The following DNAJC1 variants were observed in gnomAD, a reference collection of about 807,000 sequenced individuals.
The protein encoded by DNAJC1 is DnaJ heat shock protein family (Hsp40) member C1.
DNAJC1 carries 58 observed loss-of-function variants against 76.6 expected under a neutral mutation model. The observed-to-expected ratio is 0.76, with a 90% CI of 0.61 to 0.94. The LOEUF (loss-of-function observed/expected upper bound fraction) is 0.94. DNAJC1 is among the 40% of genes least tolerant of loss of function. DNAJC1 has a pLI of 0.00. For missense variants in DNAJC1, 689 were observed against 677.3 expected (o/e 1.02, Z -0.19); for synonymous variants, 258 against 267.9 (o/e 0.96, Z 0.36).
chr10:21,820,339 GGTT>G (rs1221926455), intron 8 of DNAJC1, among the ~76,000 whole-genome samples: 3 of 152,006 alleles, frequency 2.0e-5, no homozygotes, highest in Non-Finnish European at 4.4e-5. Context: ...TGGACATTTG[GGTT>G]GTTTCTACTT....
At chr10:21,908,366 G>T (rs1184531516) in intron 6 of DNAJC1, among the ~76,000 whole-genome samples, 6 of 143,162 alleles carry the variant, frequency 4.2e-5, no homozygotes, top group African/African-American at 1.3e-4. Context: ...GAAACCACGT[G>T]GCTATTCTTT....
intron 1 of DNAJC1, among the ~76,000 whole-genome samples, chr10:21,947,289 T>C (rs1404106414): frequency 6.6e-6 from 1 of 152,172 alleles, no homozygotes; most frequent in Non-Finnish European, 1.5e-5. Flanking sequence ...ACCAGGAGTT[T>C]GATCTGCAAG....
intron 1 of DNAJC1, among the ~76,000 whole-genome samples, chr10:21,991,630 T>C (rs1038477715): frequency 1.3e-5 from 2 of 152,152 alleles, no homozygotes; most frequent in Non-Finnish European, 2.9e-5. Flanking sequence ...AAAACAATAA[T>C]CAGTGATTTT....
chr10:21,956,662 A>G (rs959302860), intron 1 of DNAJC1, among the ~76,000 whole-genome samples: 3 of 151,402 alleles, frequency 2.0e-5, no homozygotes, highest in African/African-American at 4.8e-5. Flanking sequence ...CAATGGGCCA[A>G]GCCACTATAA....
chr10:21,928,714 C>T (rs1004506264), intron 2 of DNAJC1, among the ~76,000 whole-genome samples, 162 bp from the exon 3 acceptor site: 1 of 151,774 alleles, frequency 6.6e-6, no homozygotes, highest in Non-Finnish European at 1.5e-5. Flanking sequence ...TTTGGTAGTA[C>T]CTTAAGAGAT....
At chr10:21,833,784 C>T (rs1835401226) in intron 8 of DNAJC1, among the ~76,000 whole-genome samples, 1 of 152,134 alleles carries the variant, frequency 6.6e-6, no homozygotes, top group African/African-American at 2.4e-5. Flanking sequence ...CCCACTCACA[C>T]TCTTCCACCA....
intron 8 of DNAJC1, among the ~76,000 whole-genome samples, chr10:21,811,816 A>G (rs1024655000): frequency 1.3e-5 from 2 of 152,096 alleles, no homozygotes; most frequent in Non-Finnish European, 2.9e-5. Context: ...TCTCACATAT[A>G]AATACAGAGG....
chr10:21,853,417 GGA>G (rs774369825), intron 8 of DNAJC1, among the ~76,000 whole-genome samples: 24 of 152,068 alleles, frequency 1.6e-4, no homozygotes, highest in Non-Finnish European at 2.8e-4. Context: ...ATTAACCCTG[GGA>G]GAGAGTAAAC....
chr10:21,867,152 A>AC (rs1836014428), intron 8 of DNAJC1, among the ~76,000 whole-genome samples: 1 of 152,140 alleles, frequency 6.6e-6, no homozygotes. Context: ...AGAAAAAATA[A>AC]AACAGTTGAA....
At chr10:21,896,928 TCC>T (rs1836553386) in intron 7 of DNAJC1, among the ~76,000 whole-genome samples, 1 of 152,124 alleles carries the variant, frequency 6.6e-6, no homozygotes, top group Non-Finnish European at 1.5e-5. Flanking sequence ...CAACCCCTTT[TCC>T]CCTTCTGTTC....
intron 1 of DNAJC1, among the ~76,000 whole-genome samples, chr10:21,997,909 ATGAC>A (rs772105905): frequency 5.3e-5 from 8 of 152,204 alleles, no homozygotes; most frequent in Non-Finnish European, 1.0e-4. Context: ...GAAGTCTGTA[ATGAC>A]TGACTGGCAC....
At chr10:21,894,218 C>T (rs1473500104) in intron 7 of DNAJC1, among the ~76,000 whole-genome samples, 2 of 152,142 alleles carry the variant, frequency 1.3e-5, no homozygotes, top group African/African-American at 4.8e-5. Flanking sequence ...GATCTCCCCA[C>T]AGAATTCTGC....
chr10:21,920,769 A>G (rs1383074593), intron 4 of DNAJC1, 29 bp downstream of exon 4: 1 of 1,570,094 alleles, frequency 6.4e-7, no homozygotes, highest in South Asian at 1.2e-5. Flanking sequence ...TAAGGAGGCT[A>G]GTTCATTTGA....
intron 9 of DNAJC1, 93 bp from the exon 10 acceptor site, chr10:21,766,402 A>G: frequency 1.1e-6 from 1 of 929,010 alleles, no homozygotes; most frequent in Non-Finnish European, 1.8e-6. Context: ...GTGAATGAAC[A>G]CAGTTCATTG....
At chr10:21,845,693 A>C (rs1038656409) in intron 8 of DNAJC1, among the ~76,000 whole-genome samples, 6 of 152,170 alleles carry the variant, frequency 3.9e-5, no homozygotes, top group Admixed American at 2.6e-4. Context: ...TTAGAAGTAT[A>C]AAGTATTAAT....
intron 8 of DNAJC1, among the ~76,000 whole-genome samples, chr10:21,824,829 A>G (rs1288064311): frequency 1.3e-5 from 2 of 152,134 alleles, no homozygotes; most frequent in African/African-American, 4.8e-5. Flanking sequence ...GCTGGAGTGC[A>G]GTGGTGCAAT....
chr10:21,896,918 C>G (rs1387007910), intron 7 of DNAJC1, among the ~76,000 whole-genome samples: 1 of 152,146 alleles, frequency 6.6e-6, no homozygotes, highest in Non-Finnish European at 1.5e-5. Context: ...ACACAGCATT[C>G]AACCCCTTTT....
intron 1 of DNAJC1, among the ~76,000 whole-genome samples, chr10:21,936,702 T>C (rs926500013): frequency 5.3e-5 from 8 of 152,144 alleles, no homozygotes; most frequent in African/African-American, 1.9e-4. Context: ...GAAACTAAAC[T>C]GGTATTAATC....
chr10:21,813,716 G>T (rs1835029069), intron 8 of DNAJC1, among the ~76,000 whole-genome samples: 1 of 152,166 alleles, frequency 6.6e-6, no homozygotes, highest in Non-Finnish European at 1.5e-5. Flanking sequence ...GTCCAGTATA[G>T]TGAAGATATT....
Sources: gnomAD v4.1 joint callset for allele counts (sites outside exome capture counted in the v4.1 genomes callset) on GRCh38, gnomAD v4.1.1 for gene constraint, MANE v1.5 for transcripts, NCBI Gene and HGNC (gene_info 2026-07-23, HGNC 2026-07-21) for gene names.